The following DLGAP2 variants were observed in gnomAD, a reference collection of about 807,000 sequenced individuals.
The protein encoded by DLGAP2 is disks large-associated protein 2.
DLGAP2 carries 26 observed loss-of-function variants against 100.3 expected under a neutral mutation model. That is an observed-to-expected ratio of 0.26 (90% CI 0.19 to 0.36). The LOEUF (loss-of-function observed/expected upper bound fraction) is 0.36. Ranked by LOEUF, DLGAP2 falls within the 10% of genes least tolerant of loss-of-function variation. The pLI, the probability that DLGAP2 is intolerant of heterozygous loss-of-function variation, is 1.00. For synonymous variants in DLGAP2, 886 were observed against 630.1 expected (o/e 1.41, Z -6.08); for missense variants, 1,858 against 1,453.2 (o/e 1.28, Z -4.53).
chr8:1,089,183 C>T (rs1186831748), intron 2 of DLGAP2, among the ~76,000 whole-genome samples: 1 of 152,190 alleles, frequency 6.6e-6, no homozygotes, highest in Non-Finnish European at 1.5e-5. Context: ...CTCCACCCCT[C>T]ATCCAGCAGG....
chr8:1,092,853 G>T (rs1198765395), intron 2 of DLGAP2, among the ~76,000 whole-genome samples: 5 of 152,270 alleles, frequency 3.3e-5, no homozygotes, highest in Non-Finnish European at 7.4e-5. Context: ...TGTGGACCGG[G>T]GCCTCATAAC....
chr8:1,657,981 C>A (rs990115895), intron 8 of DLGAP2, among the ~76,000 whole-genome samples: 1 of 152,024 alleles, frequency 6.6e-6, no homozygotes, highest in African/African-American at 2.4e-5. Context: ...GGGAGCAGAT[C>A]GCCCAAAAGA....
chr8:1,464,301 G>GACAA (rs1798552977), intron 3 of DLGAP2, among the ~76,000 whole-genome samples: 1 of 74,412 alleles, frequency 1.3e-5, no homozygotes, highest in Non-Finnish European at 2.7e-5. Context: ...TTCCAGGATG[G>GACAA]CACCCTTCCA....
At chr8:854,140 G>A (rs965459353) in intron 1 of DLGAP2, among the ~76,000 whole-genome samples, 2 of 152,130 alleles carry the variant, frequency 1.3e-5, no homozygotes, top group Non-Finnish European at 2.9e-5. Context: ...ATGTCACCCG[G>A]TCTATGATAC....
intron 3 of DLGAP2, among the ~76,000 whole-genome samples, chr8:1,419,847 C>T (rs559120350): frequency 1.3e-5 from 2 of 152,204 alleles, no homozygotes; most frequent in Non-Finnish European, 2.9e-5. Context: ...AATCCCACTA[C>T]TGAGTGTACA....
At chr8:1,118,917 T>C (rs759808792) in intron 2 of DLGAP2, among the ~76,000 whole-genome samples, 1 of 152,244 alleles carries the variant, frequency 6.6e-6, no homozygotes, top group Non-Finnish European at 1.5e-5. Flanking sequence ...AGTGTTATTT[T>C]GTGAGACATA....
chr8:1,286,479 C>A (rs376010803), intron 3 of DLGAP2, among the ~76,000 whole-genome samples: 1 of 152,176 alleles, frequency 6.6e-6, no homozygotes, highest in Non-Finnish European at 1.5e-5. Context: ...GAGCTTTCCC[C>A]GTAGACTGTT....
intron 2 of DLGAP2, among the ~76,000 whole-genome samples, chr8:1,081,543 G>C (rs545799163): frequency 6.6e-6 from 1 of 152,104 alleles, no homozygotes; most frequent in African/African-American, 2.4e-5. Flanking sequence ...GTAGAGACAG[G>C]TTTCTCCATG....
At chr8:1,329,044 G>T (rs1322086645) in intron 3 of DLGAP2, among the ~76,000 whole-genome samples, 1 of 152,224 alleles carries the variant, frequency 6.6e-6, no homozygotes, top group African/African-American at 2.4e-5. Flanking sequence ...TGCTGCTCTC[G>T]TGATGACTTG....
chr8:1,212,113 G>A (rs1019212432), intron 2 of DLGAP2, among the ~76,000 whole-genome samples: 24 of 152,198 alleles, frequency 1.6e-4, no homozygotes, highest in African/African-American at 4.8e-4. Context: ...CAGTGACTCA[G>A]AGAATATCGA....
intron 14 of DLGAP2, 110 bp from the exon 15 acceptor site, chr8:1,701,078 T>TG (rs1218597765): frequency 2.0e-6 from 2 of 1,001,678 alleles, no homozygotes; most frequent in Admixed American, 2.9e-5. Flanking sequence ...GATGCGGCCC[T>TG]GGGGGCTGCG....
intron 2 of DLGAP2, among the ~76,000 whole-genome samples, chr8:932,069 G>A (rs139610573): frequency 6.6e-6 from 1 of 152,206 alleles, no homozygotes; most frequent in African/African-American, 2.4e-5. Flanking sequence ...GCACAAACAT[G>A]TACTGTAAGA....
rs1799946215 is a variant in DLGAP2 at position 1,507,076 on chromosome 8, C to T, written c.172+5645C>T. On this transcript the variant is annotated intron_variant, in intron 4 of 14. Transcript: ENST00000637795. ...TACACATAAAAGTTCTCCAAGTCCCCACCGGACTCAGGAGCCCAGCTGGCT... is the reference window on the plus strand; with the variant it reads ...TACACATAAAAGTTCTCCAAGTCCCTACCGGACTCAGGAGCCCAGCTGGCT... Among the ~76,000 whole-genome samples, 10 of 152,368 alleles carry T rather than the reference C, an allele frequency of 6.6e-5. No homozygotes were observed. In the South Asian group the frequency reaches 2.1e-3, roughly 32 times the overall value.
intron 2 of DLGAP2, among the ~76,000 whole-genome samples, chr8:1,045,052 G>A (rs563080867): frequency 6.6e-6 from 1 of 152,318 alleles, no homozygotes; most frequent in African/African-American, 2.4e-5. Flanking sequence ...AGAACCTCCT[G>A]CCTATTTCTT....
chr8:1,418,190 GT>G (rs1399935995), intron 3 of DLGAP2, among the ~76,000 whole-genome samples: 2 of 152,130 alleles, frequency 1.3e-5, no homozygotes, highest in Non-Finnish European at 2.9e-5. Flanking sequence ...TTGATCTTGG[GT>G]GGCCCAAAGA....
At chr8:1,121,342 C>T (rs1257780746) in intron 2 of DLGAP2, among the ~76,000 whole-genome samples, 1 of 151,884 alleles carries the variant, frequency 6.6e-6, no homozygotes, top group African/African-American at 2.4e-5. Flanking sequence ...GACCACCCAT[C>T]CTCGCCCAGT....
At chr8:1,155,064 C>G (rs1200646565) in intron 2 of DLGAP2, among the ~76,000 whole-genome samples, 1 of 152,222 alleles carries the variant, frequency 6.6e-6, no homozygotes, top group East Asian at 1.9e-4. Flanking sequence ...ACCAGCACCT[C>G]TCACCCTGGC....
intron 7 of DLGAP2, among the ~76,000 whole-genome samples, chr8:1,632,464 A>G (rs1483133708): frequency 2.0e-5 from 3 of 152,180 alleles, no homozygotes; most frequent in African/African-American, 7.2e-5. Context: ...GTCATGTGGG[A>G]AAGGGAAGGA....
intron 2 of DLGAP2, among the ~76,000 whole-genome samples, chr8:949,454 C>G (rs1405981918): frequency 6.6e-6 from 1 of 152,058 alleles, no homozygotes; most frequent in Non-Finnish European, 1.5e-5. Flanking sequence ...GAGGGGTCTG[C>G]AAGAGGAGCC....
Sources: gnomAD v4.1 joint callset for allele counts (sites outside exome capture counted in the v4.1 genomes callset) on GRCh38, gnomAD v4.1.1 for gene constraint, MANE v1.5 for transcripts, NCBI Gene and HGNC (gene_info 2026-07-23, HGNC 2026-07-21) for gene names.